Variants in SPIB observed in about 807,000 individuals in gnomAD.
SPIB encodes Spi-B transcription factor, also known as transcription factor Spi-B.
A neutral mutation model predicts 31.9 loss-of-function variants in SPIB; 7 were observed. That is an observed-to-expected ratio of 0.22 (90% CI 0.12 to 0.41). SPIB has a LOEUF of 0.41. Ranked by LOEUF, SPIB falls within the 10% of genes least tolerant of loss-of-function variation. The pLI is 1.00. For missense variants in SPIB, 327 were observed against 360.2 expected (o/e 0.91, Z 0.75); for synonymous variants, 176 against 158.9 (o/e 1.11, Z -0.81).
At chr19:50,420,720 C>T (rs4462711) in intron 2 of SPIB, among the ~76,000 whole-genome samples, 78,858 of 152,128 alleles carry the variant, frequency 0.52, 23,306 homozygotes, top group Non-Finnish European at 0.66. Flanking sequence ...CTCCACCTCC[C>T]GGGTTCAAGC....
chr19:50,421,633 G>A (rs965532763), intron 2 of SPIB, among the ~76,000 whole-genome samples: 9 of 144,692 alleles, frequency 6.2e-5, no homozygotes, highest in Admixed American at 4.9e-4. Context: ...TTTATTTTTC[G>A]AGACAGAGTC....
Position 50,418,998 on chromosome 19 carries a change from C to T in SPIB, c.23+13C>T. ...TGGAGGCTGCACAGTAAGTGAGGGCCCCCAAACCTGCACCCGGGGTCCCCA... is the reference window on the plus strand; with the variant it reads ...TGGAGGCTGCACAGTAAGTGAGGGCTCCCAAACCTGCACCCGGGGTCCCCA... On this transcript the variant is annotated intron_variant, in intron 1 of 5. Coordinates refer to ENST00000595883, the MANE Select transcript of SPIB (RefSeq NM_003121.5). The surrounding 1 kb of genome is among the most constrained non-coding windows in gnomAD (Gnocchi z 6.0). The T allele has an allele frequency of 6.4e-7, 1 of 1,552,134 alleles. No homozygotes were observed. Among genetic ancestry groups the T allele is most frequent in the Non-Finnish European group, 8.7e-7 (1 of 1,147,928 alleles).
intron 2 of SPIB, among the ~76,000 whole-genome samples, chr19:50,421,717 C>T (rs927757855): frequency 6.6e-6 from 1 of 152,154 alleles, no homozygotes; most frequent in Non-Finnish European, 1.5e-5. Context: ...CAGGTTCAAG[C>T]GATTCTCCTG....
chr19:50,419,734 G>A (rs191401448), intron 1 of SPIB, among the ~76,000 whole-genome samples: 1 of 152,300 alleles, frequency 6.6e-6, no homozygotes, highest in East Asian at 1.9e-4. Context: ...TGCAAATTCT[G>A]GGGAGGAGGG....
In SPIB at chr19:50,423,617, C is replaced by T. The variant is rs971798486; in HGVS notation, c.352C>T (p.Pro118Ser). 7 of 1,613,712 alleles carry T rather than the reference C, an allele frequency of 4.3e-6. No individual in the cohort carries two copies. The highest frequency in any genetic ancestry group is 1.7e-5 in the Admixed American group (1 of 59,970). ...ENFASQTLVP[P>S]AYAPYPSPVL... ...TGACCTTCCGCAGACCCTGGTTCCC[C>T]CGGCATATGCCCCGTACCCCAGCCC... The change falls in exon 5 of 6, where the codon CCG becomes TCG. Residue 118 changes from proline (P) to serine (S), a missense_variant. Pro to Ser is a moderately conservative substitution (Grantham distance 74). Transcript: ENST00000595883.
rs2039603980 is a variant in SPIB at position 50,428,851 on chromosome 19, C to G, written c.*515C>G. On this transcript the variant is annotated 3_prime_UTR_variant, in exon 6 of 6. Coordinates refer to ENST00000595883, the MANE Select transcript of SPIB (RefSeq NM_003121.5). The surrounding 1 kb of genome is among the most constrained non-coding windows in gnomAD (Gnocchi z 6.5). The stretch of plus-strand genomic sequence containing the variant: ...TCTGGGGCCCTCTGGGAGCTGTTAT[C>G]ATCTCAGATCTCTTCGCCCATCTAT... The G allele has an allele frequency of 6.4e-6, 1 of 156,124 alleles. No individual in the cohort carries two copies. Among genetic ancestry groups the G allele is most frequent in the African/African-American group, 2.4e-5 (1 of 41,588 alleles). The allele number at this position is 156,124 out of a possible 1,614,324, so 9.7% of individuals were successfully genotyped here. A position where few individuals can be genotyped will look rare whatever the true frequency, so the allele number is the denominator to read the frequency against.
Position 50,429,257 on chromosome 19 carries a change from G to A in SPIB, c.*921G>A, listed in dbSNP as rs2039608949. Reference sequence around the variant, plus strand: ...CCACTCTGGCCACGCGACTGATTTTGGGTGATCATGGCAGCTCCCCACCCA... The same window carrying A: ...CCACTCTGGCCACGCGACTGATTTTAGGTGATCATGGCAGCTCCCCACCCA... On this transcript the variant is annotated 3_prime_UTR_variant, in exon 6 of 6. Coordinates refer to ENST00000595883, the MANE Select transcript of SPIB (RefSeq NM_003121.5). 1 of 152,126 alleles carries A rather than the reference G, an allele frequency of 6.6e-6. No individual in the cohort carries two copies. Among genetic ancestry groups the A allele is most frequent in the African/African-American group, 2.4e-5 (1 of 41,412 alleles). The allele number at this position is 152,126 out of a possible 1,614,324, so 9.4% of individuals were successfully genotyped here.
chr19:50,419,763 C>T (rs994533463), intron 1 of SPIB, 183 bp from the exon 2 acceptor site: 3 of 509,334 alleles, frequency 5.9e-6, no homozygotes, highest in African/African-American at 2.0e-5. Flanking sequence ...GCCTCCCCCC[C>T]ACCCCCCACT....
At chr19:50,419,681 TTCTC>T (rs1405052073) in intron 1 of SPIB, among the ~76,000 whole-genome samples, 1 of 152,152 alleles carries the variant, frequency 6.6e-6, no homozygotes, top group East Asian at 1.9e-4. Context: ...TTCCGGGACT[TTCTC>T]TCCCTCACTT....
intron 5 of SPIB, among the ~76,000 whole-genome samples, chr19:50,425,454 T>C (rs34795041): frequency 0.11 from 16,675 of 152,208 alleles, 931 homozygotes; most frequent in Middle Eastern, 0.16. Flanking sequence ...TTTTTATTCA[T>C]TTATTTGAGA....
At position 50,424,149 on chromosome 19, in the gene SPIB, T is replaced by A. The variant is rs138958222; in HGVS notation, c.490+394T>A. Among the ~76,000 whole-genome samples, 563 of 152,300 alleles carry A rather than the reference T, an allele frequency of 3.7e-3. 4 individuals are homozygous for A. Among genetic ancestry groups the A allele is most frequent in the African/African-American group, 0.013 (536 of 41,562 alleles). On this transcript the variant is annotated intron_variant, in intron 5 of 5. Coordinates refer to ENST00000595883, the MANE Select transcript of SPIB (RefSeq NM_003121.5). ...GTTCAACCCTTGCCCCCTGCCCGTG[T>A]GCCCAACATCCTTTATGCTCAACCC... is the stretch of plus-strand genomic sequence containing the variant.
chr19:50,422,889 C>G lies in SPIB; in HGVS notation c.191C>G (p.Ala64Gly). ...PATPYEAFDP[A>G]AAAFSHPQAA... The stretch of plus-strand genomic sequence containing the variant: ...ACCCCCTATGAAGCCTTCGACCCGG[C>G]AGCAGCCGCTTTTAGCCACCCCCAG... The change falls in exon 4 of 6, where the codon GCA becomes GGA. Residue 64 changes from alanine to glycine, a missense_variant. Ala to Gly is a moderately conservative substitution (Grantham distance 60). Around this residue, in one of 4 missense-constraint regions of SPIB, gnomAD observed 238 missense variants for 228.8 expected, o/e 1.04. Coordinates refer to ENST00000595883, the MANE Select transcript of SPIB (RefSeq NM_003121.5). 1.2e-6 allele frequency: 2 copies of G among 1,611,140 alleles called. No individual in the cohort carries two copies. Among genetic ancestry groups the G allele is most frequent in the Non-Finnish European group, 8.5e-7 (1 of 1,178,788 alleles).
chr19:50,426,932 C>T (rs1437499870), intron 5 of SPIB, among the ~76,000 whole-genome samples: 1 of 150,940 alleles, frequency 6.6e-6, no homozygotes, highest in African/African-American at 2.4e-5. Context: ...GAGTTCAAGA[C>T]CAGCCTGGGC....
intron 5 of SPIB, among the ~76,000 whole-genome samples, chr19:50,427,820 G>A (rs1463546244): frequency 1.3e-5 from 2 of 151,990 alleles, no homozygotes; most frequent in Admixed American, 6.5e-5. Context: ...ACGCGGAGGG[G>A]GCCTGGGGCT....
intron 2 of SPIB, among the ~76,000 whole-genome samples, chr19:50,420,908 G>A (rs566990400): frequency 1.8e-4 from 27 of 152,308 alleles, no homozygotes; most frequent in African/African-American, 5.1e-4. Context: ...GATTACAGGC[G>A]TGAGCCACCG....
intron 5 of SPIB, among the ~76,000 whole-genome samples, chr19:50,425,384 A>G (rs1373060877): frequency 6.6e-6 from 1 of 152,194 alleles, no homozygotes; most frequent in African/African-American, 2.4e-5. Context: ...GACATTTAAG[A>G]TGGAGAGGAT....
At chr19:50,423,855 C>A in intron 5 of SPIB, 100 bp downstream of exon 5, 1 of 1,371,462 alleles carries the variant, frequency 7.3e-7, no homozygotes, top group South Asian at 1.4e-5. Flanking sequence ...CTCCAGCACT[C>A]TGGGCAGCTC....
chr19:50,420,448 T>G (rs1436454486), intron 2 of SPIB, among the ~76,000 whole-genome samples: 1 of 152,190 alleles, frequency 6.6e-6, no homozygotes, highest in Non-Finnish European at 1.5e-5. Context: ...GAAGTGTAAC[T>G]AACAAGTCAG....
intron 1 of SPIB, among the ~76,000 whole-genome samples, chr19:50,419,586 T>G (rs2039461707): frequency 6.6e-6 from 1 of 152,098 alleles, no homozygotes; most frequent in Non-Finnish European, 1.5e-5. Flanking sequence ...CTCTCCATCC[T>G]TCTCCTCTGG....
Sources: allele counts gnomAD v4.1 joint callset (sites outside exome capture counted in the v4.1 genomes callset), GRCh38; gene constraint gnomAD v4.1.1; regional missense constraint gnomAD v4.1.1; non-coding constraint Gnocchi (gnomAD v3.1); transcripts MANE v1.5; gene names NCBI Gene and HGNC (gene_info 2026-07-23, HGNC 2026-07-21).